Variants in NLGN1 observed in about 807,000 individuals in gnomAD.
NLGN1 encodes the protein neuroligin 1.
A neutral mutation model predicts 65.5 loss-of-function variants in NLGN1; 12 were observed. The observed-to-expected ratio is 0.18, with a 90% CI of 0.12 to 0.30. The LOEUF (loss-of-function observed/expected upper bound fraction) is 0.30, where lower values mean the gene tolerates loss of function less well. NLGN1 is among the 10% of genes least tolerant of loss of function. The pLI is 1.00. For missense variants in NLGN1, 750 were observed against 1,007.1 expected (o/e 0.74, Z 3.46); for synonymous variants, 350 against 359.5 (o/e 0.97, Z 0.30).
At chr3:173,468,849 C>T (rs1320543582) in intron 2 of NLGN1, among the ~76,000 whole-genome samples, 3 of 151,916 alleles carry the variant, frequency 2.0e-5, no homozygotes, top group East Asian at 1.9e-4. Flanking sequence ...AAAAATTGTT[C>T]TAAGAGTTAT....
At chr3:174,101,052 T>G (rs1216330659) in intron 4 of NLGN1, among the ~76,000 whole-genome samples, 1 of 152,104 alleles carries the variant, frequency 6.6e-6, no homozygotes, top group Non-Finnish European at 1.5e-5. Context: ...TTCTGTCAAC[T>G]ATGTGATATC....
chr3:173,441,695 C>T (rs1369137952), intron 2 of NLGN1, among the ~76,000 whole-genome samples: 7 of 152,056 alleles, frequency 4.6e-5, no homozygotes, highest in Non-Finnish European at 8.8e-5. Context: ...CACAGATCAA[C>T]GTAACAGATG....
rs76059181 is a variant in NLGN1, at chr3:174,084,084, A to G, written c.647-191231A>G. On this transcript the variant is annotated intron_variant, in intron 4 of 6. Transcript: ENST00000457714. ...GAACTCACTGTTTCGGAAAGCAGGA[A>G]TATTTTTTCACACATTTTTAAAGAA... 2.4e-3 allele frequency among the ~76,000 whole-genome samples: 359 copies of G among 152,322 alleles called. 7 individuals carry two copies. In the East Asian group the frequency reaches 0.053, roughly 22 times the overall value.
chr3:174,272,708 TATAGATAGATAGAA>T (rs1749689374), intron 4 of NLGN1, among the ~76,000 whole-genome samples: 1 of 143,328 alleles, frequency 7.0e-6, no homozygotes. Context: ...GATAGATAGA[TATAGATAGATAGAA>T]AGATAGATAG....
chr3:173,918,158 T>C (rs1235740818), intron 4 of NLGN1, among the ~76,000 whole-genome samples: 2 of 152,216 alleles, frequency 1.3e-5, no homozygotes, highest in Non-Finnish European at 1.5e-5. Flanking sequence ...TCGTTACTTA[T>C]TAATATCTTC....
chr3:174,255,300 T>C (rs902591399), intron 4 of NLGN1, among the ~76,000 whole-genome samples: 1 of 151,762 alleles, frequency 6.6e-6, no homozygotes, highest in East Asian at 1.9e-4. Flanking sequence ...CCGGGCGTGG[T>C]GGCGGGCACC....
intron 4 of NLGN1, among the ~76,000 whole-genome samples, chr3:173,933,055 G>A (rs1744395421): frequency 2.0e-5 from 3 of 152,112 alleles, no homozygotes; most frequent in Non-Finnish European, 1.5e-5. Context: ...CAAACTCTGA[G>A]ACAGGCAACA....
At chr3:173,985,366 A>T (rs1719666132) in intron 4 of NLGN1, among the ~76,000 whole-genome samples, 4 of 152,122 alleles carry the variant, frequency 2.6e-5, no homozygotes, top group African/African-American at 9.7e-5. Context: ...CACTCCATCC[A>T]GGCAAGTCCT....
At chr3:173,789,845 A>G (rs1159061314) in intron 3 of NLGN1, 4 of 511,302 alleles carry the variant, frequency 7.8e-6, no homozygotes, top group Admixed American at 4.0e-5. Flanking sequence ...CACATTTTCT[A>G]TATTTTTCCC....
At chr3:173,980,534 G>A (rs1055147914) in intron 4 of NLGN1, among the ~76,000 whole-genome samples, 1 of 151,674 alleles carries the variant, frequency 6.6e-6, no homozygotes, top group Non-Finnish European at 1.5e-5. Flanking sequence ...ATAGTTTAAC[G>A]AACATCTTTG....
intron 4 of NLGN1, among the ~76,000 whole-genome samples, chr3:174,199,335 A>G (rs1009665836): frequency 6.6e-6 from 1 of 151,652 alleles, no homozygotes; most frequent in Non-Finnish European, 1.5e-5. Flanking sequence ...ATTTGAGACA[A>G]TGTTCGATTC....
chr3:173,887,846 A>T (rs1340571452), intron 4 of NLGN1, among the ~76,000 whole-genome samples: 1 of 151,652 alleles, frequency 6.6e-6, no homozygotes, highest in Non-Finnish European at 1.5e-5. Flanking sequence ...TCACTCAGAA[A>T]ATTTGACTAC....
chr3:173,932,420 G>A (rs1463138750), intron 4 of NLGN1, among the ~76,000 whole-genome samples: 1 of 151,528 alleles, frequency 6.6e-6, no homozygotes, highest in Non-Finnish European at 1.5e-5. Context: ...GGATGCTGAA[G>A]AGCAATGAGT....
chr3:173,458,945 A>G (rs1428531397), intron 2 of NLGN1, among the ~76,000 whole-genome samples: 1 of 152,100 alleles, frequency 6.6e-6, no homozygotes, highest in Non-Finnish European at 1.5e-5. Context: ...TTGAGAAGAC[A>G]CTAGCAGACG....
At chr3:173,740,431 T>C (rs1207473806) in intron 3 of NLGN1, among the ~76,000 whole-genome samples, 1 of 152,058 alleles carries the variant, frequency 6.6e-6, no homozygotes. Flanking sequence ...CATAGCACAT[T>C]GTAGGATAGT....
At chr3:173,904,977 C>CTCT (rs2152197968) in intron 4 of NLGN1, among the ~76,000 whole-genome samples, 1 of 152,276 alleles carries the variant, frequency 6.6e-6, no homozygotes, top group Admixed American at 6.5e-5. Flanking sequence ...TGCTTCTGTC[C>CTCT]TCTTCTTGAG....
intron 4 of NLGN1, 69 bp from the exon 5 acceptor site, chr3:174,275,246 G>T: frequency 1.8e-6 from 2 of 1,141,344 alleles, no homozygotes; most frequent in South Asian, 1.3e-5. Context: ...GGCTTCATTT[G>T]TGTTTAAATT....
intron 4 of NLGN1, among the ~76,000 whole-genome samples, chr3:174,197,047 G>A: frequency 6.6e-6 from 1 of 150,898 alleles, no homozygotes; most frequent in East Asian, 1.9e-4. Context: ...TCCTGTTGCT[G>A]GGATGCATGG....
chr3:174,282,393 T>G (rs942160501), exon 7 of NLGN1: 3 of 152,186 alleles, frequency 2.0e-5, no homozygotes, highest in Non-Finnish European at 4.4e-5. Context: ...AGTTCTGAGT[T>G]CTTTGATTTA....
Sources: allele counts gnomAD v4.1 joint callset (sites outside exome capture counted in the v4.1 genomes callset), GRCh38; gene constraint gnomAD v4.1.1; transcripts MANE v1.5; gene names NCBI Gene and HGNC (gene_info 2026-07-23, HGNC 2026-07-21).